The following LRRC7 variants were observed in gnomAD, a reference collection of about 807,000 sequenced individuals.
LRRC7 encodes leucine-rich repeat-containing protein 7.
A neutral mutation model predicts 175.7 loss-of-function variants in LRRC7; 23 were observed. The ratio of observed to expected loss-of-function variants is 0.13; its 90% CI spans 0.09 to 0.19. LRRC7 has a LOEUF of 0.19. LRRC7 is among the 10% of genes least tolerant of loss of function. LRRC7 has a pLI of 1.00. For missense variants in LRRC7, 1,354 were observed against 1,904.7 expected (o/e 0.71, Z 5.38); for synonymous variants, 685 against 680.9 (o/e 1.01, Z -0.09).
rs1666426909 is a variant in LRRC7 at position 70,125,810 on chromosome 1, AAAG to A, written c.*3925_*3927del. 6.8e-6 allele frequency among the ~76,000 whole-genome samples: 1 copy of A among 147,912 alleles called. No individual in the cohort carries two copies. Among genetic ancestry groups the A allele is most frequent in the Non-Finnish European group, 1.5e-5 (1 of 67,420 alleles). On this transcript the variant is annotated 3_prime_UTR_variant, in exon 27 of 27. Transcript: ENST00000651989. ...CCGTCTCAAAAAAAAAAAAAAAAAA[AAAG>A]AGAAGATTCAGAGGGGAGAAAACAT...
rs551487400 is a variant in LRRC7, at chr1:69,618,515, A to G, written c.2+49874A>G. 7.9e-5 allele frequency among the ~76,000 whole-genome samples: 12 copies of G among 152,268 alleles called. No individual in the cohort carries two copies. In the South Asian group the frequency reaches 1.9e-3, roughly 24 times the overall value. ...CTATATCCTTTGTTCCATCTTTGCT[A>G]TGAAGGCTGTCTTAGTCAACTTAGA... On this transcript the variant is annotated intron_variant, in intron 1 of 26. Transcript: ENST00000651989.
chr1:69,823,152 T>G (rs1455440705), intron 4 of LRRC7, among the ~76,000 whole-genome samples: 1 of 152,152 alleles, frequency 6.6e-6, no homozygotes, highest in African/African-American at 2.4e-5. Context: ...CTTGAATGAG[T>G]GAGCTTTTCT....
intron 3 of LRRC7, among the ~76,000 whole-genome samples, chr1:69,787,033 G>T (rs1674527293): frequency 6.6e-6 from 1 of 152,196 alleles, no homozygotes; most frequent in Non-Finnish European, 1.5e-5. Context: ...GATACAATGG[G>T]AGTACAGGCA....
intron 9 of LRRC7, among the ~76,000 whole-genome samples, chr1:69,981,523 CAAT>C (rs1476894441): frequency 9.2e-5 from 14 of 151,944 alleles, no homozygotes; most frequent in Non-Finnish European, 1.8e-4. Context: ...AATCATGTAC[CAAT>C]AAAGCTCTAT....
intron 7 of LRRC7, among the ~76,000 whole-genome samples, chr1:69,895,024 C>T (rs1570546303): frequency 6.6e-6 from 1 of 152,120 alleles, no homozygotes; most frequent in South Asian, 2.1e-4. Context: ...GTCGGGAGTT[C>T]AAGACCAGCC....
intron 23 of LRRC7, among the ~76,000 whole-genome samples, chr1:70,070,042 A>T (rs1045634567): frequency 6.6e-6 from 1 of 152,072 alleles, no homozygotes; most frequent in Non-Finnish European, 1.5e-5. Context: ...CTTCCAGGCT[A>T]GAGTGCAGTG....
At chr1:69,589,622 A>T (rs1429555320) in intron 1 of LRRC7, among the ~76,000 whole-genome samples, 1 of 152,146 alleles carries the variant, frequency 6.6e-6, no homozygotes, top group Non-Finnish European at 1.5e-5. Context: ...TGAATAAGGG[A>T]TGCTATTAAA....
intron 8 of LRRC7, among the ~76,000 whole-genome samples, chr1:69,963,860 C>T (rs1055881951): frequency 3.9e-5 from 6 of 152,140 alleles, no homozygotes; most frequent in African/African-American, 1.2e-4. Context: ...ATGTAACATC[C>T]ATGAGGGTTT....
chr1:70,020,607 C>T (rs890489393), intron 15 of LRRC7, among the ~76,000 whole-genome samples: 2 of 152,008 alleles, frequency 1.3e-5, no homozygotes, highest in African/African-American at 4.8e-5. Context: ...ACACTTTGAG[C>T]AAGTCCCTTA....
chr1:70,021,247 C>T (rs1209873736), intron 16 of LRRC7, 118 bp downstream of exon 16: 1 of 906,052 alleles, frequency 1.1e-6, no homozygotes, highest in Non-Finnish European at 1.7e-6. Flanking sequence ...CATGGCGGTA[C>T]CTTTCATTAC....
chr1:70,001,385 G>A (rs1655507109), intron 11 of LRRC7, among the ~76,000 whole-genome samples: 1 of 152,082 alleles, frequency 6.6e-6, no homozygotes. Flanking sequence ...AAGAAATAGA[G>A]AAATTATGCA....
chr1:70,086,881 A>T (rs1259642527), intron 24 of LRRC7, among the ~76,000 whole-genome samples: 1 of 151,956 alleles, frequency 6.6e-6, no homozygotes, highest in Non-Finnish European at 1.5e-5. Context: ...TGCTTCCTGG[A>T]TGTAAGGTAT....
intron 26 of LRRC7, among the ~76,000 whole-genome samples, chr1:70,111,080 T>G (rs1665496569): frequency 6.6e-6 from 1 of 152,072 alleles, no homozygotes; most frequent in Non-Finnish European, 1.5e-5. Flanking sequence ...AGAATGGCCC[T>G]CCCTAAGTGA....
chr1:70,034,282 A>C (rs546644232), intron 18 of LRRC7, among the ~76,000 whole-genome samples: 5 of 152,324 alleles, frequency 3.3e-5, no homozygotes, highest in African/African-American at 9.6e-5. Flanking sequence ...ACTAACTTTC[A>C]AAATCAATCA....
intron 3 of LRRC7, among the ~76,000 whole-genome samples, chr1:69,768,353 C>T (rs1305988988): frequency 6.6e-6 from 1 of 152,112 alleles, no homozygotes; most frequent in Non-Finnish European, 1.5e-5. Flanking sequence ...TTGCTCTGCC[C>T]CTGGCTTGCT....
At chr1:69,799,757 T>G (rs2101090398) in intron 4 of LRRC7, among the ~76,000 whole-genome samples, 1 of 152,212 alleles carries the variant, frequency 6.6e-6, no homozygotes, top group Admixed American at 6.5e-5. Context: ...CTCTTTTTGG[T>G]TTTGTTAATT....
intron 6 of LRRC7, among the ~76,000 whole-genome samples, chr1:69,836,105 G>A (rs1283109512): frequency 2.6e-5 from 4 of 152,094 alleles, no homozygotes; most frequent in Middle Eastern, 3.4e-3. Context: ...AGTATAGCTT[G>A]ACACCAATCT....
At chr1:70,004,352 A>T (rs758993563) in intron 11 of LRRC7, among the ~76,000 whole-genome samples, 23 of 152,194 alleles carry the variant, frequency 1.5e-4, no homozygotes, top group Non-Finnish European at 2.6e-4. Context: ...AAAGAAAATT[A>T]AGAATGGAAC....
intron 26 of LRRC7, among the ~76,000 whole-genome samples, chr1:70,113,298 G>C (rs1665642243): frequency 6.6e-6 from 1 of 152,100 alleles, no homozygotes; most frequent in Non-Finnish European, 1.5e-5. Flanking sequence ...AACAGCCTCA[G>C]CTATAAGAAA....
Sources: gnomAD v4.1 joint callset for allele counts (sites outside exome capture counted in the v4.1 genomes callset) on GRCh38, gnomAD v4.1.1 for gene constraint, MANE v1.5 for transcripts, NCBI Gene and HGNC (gene_info 2026-07-23, HGNC 2026-07-21) for gene names.